The following LINGO2 variants were observed in gnomAD, a reference collection of about 807,000 sequenced individuals.
The protein encoded by LINGO2 is leucine rich repeat and Ig domain containing 2, also known as leucine-rich repeat and immunoglobulin-like domain-containing nogo receptor-interacting protein 2.
A neutral mutation model predicts 30.6 loss-of-function variants in LINGO2; 14 were observed. The observed-to-expected ratio is 0.46, with a 90% confidence interval of 0.30 to 0.72. The LOEUF (loss-of-function observed/expected upper bound fraction) is 0.72, where lower values mean the gene tolerates loss of function less well. Among genes scored for constraint, LINGO2 ranks in the 30% least tolerant of loss-of-function variants. The pLI, the probability that LINGO2 is intolerant of heterozygous loss-of-function variation, is 0.07. For synonymous variants in LINGO2, 317 were observed against 288.5 expected (o/e 1.10, Z -1.00); for missense variants, 729 against 751.7 (o/e 0.97, Z 0.35).
chr9:29,213,593 C>T, the LINGO2 span, among the ~76,000 whole-genome samples: 16 of 152,040 alleles, frequency 1.1e-4, no homozygotes, highest in African/African-American at 2.9e-4. Flanking sequence ...TCGGGCTGCG[C>T]ACACACACAG....
chr9:28,886,729 G>A, the LINGO2 span, among the ~76,000 whole-genome samples: 129,541 of 152,100 alleles, frequency 0.85, 55,342 homozygotes, highest in Non-Finnish European at 0.89. Context: ...GCTAGCTAGT[G>A]TCATCTACAG....
the LINGO2 span, among the ~76,000 whole-genome samples, chr9:29,070,161 G>C: frequency 2.0e-5 from 3 of 151,642 alleles, no homozygotes; most frequent in African/African-American, 7.3e-5. Context: ...TCTTCTATTA[G>C]ACTCCCTATG....
At chr9:28,745,104 G>C in the LINGO2 span, among the ~76,000 whole-genome samples, 2 of 152,016 alleles carry the variant, frequency 1.3e-5, no homozygotes, top group African/African-American at 4.8e-5. Context: ...CTAATAGCTT[G>C]TAAGTTCCTT....
At chr9:28,540,780 G>T (rs1294664600) in intron 1 of LINGO2, among the ~76,000 whole-genome samples, 1 of 152,162 alleles carries the variant, frequency 6.6e-6, no homozygotes, top group Admixed American at 6.6e-5. Context: ...TAGAAGATTA[G>T]ATGTGTGTTG....
chr9:28,455,918 C>A (rs1824828245), intron 2 of LINGO2, among the ~76,000 whole-genome samples: 1 of 152,082 alleles, frequency 6.6e-6, no homozygotes, highest in Non-Finnish European at 1.5e-5. Context: ...CCCTCTGTAT[C>A]AGGAAGGCAC....
intron 1 of LINGO2, among the ~76,000 whole-genome samples, chr9:28,631,663 G>C (rs1275314999): frequency 4.6e-5 from 7 of 151,998 alleles, no homozygotes; most frequent in Admixed American, 4.6e-4. Context: ...TATTGCTTGA[G>C]GAGTCCTTAG....
At chr9:28,157,499 C>T (rs1828165704) in intron 4 of LINGO2, among the ~76,000 whole-genome samples, 1 of 152,208 alleles carries the variant, frequency 6.6e-6, no homozygotes, top group Non-Finnish European at 1.5e-5. Flanking sequence ...TCTGACGTGC[C>T]CTGGAGACAT....
intron 5 of LINGO2, among the ~76,000 whole-genome samples, chr9:27,992,076 C>CAGGTGTTAATGACAA (rs1284654648): frequency 2.0e-5 from 3 of 152,032 alleles, no homozygotes; most frequent in Non-Finnish European, 2.9e-5. Context: ...CTGCTTCTGT[C>CAGGTGTTAATGACAA]AGGTGTTAAT....
At chr9:28,091,232 A>G (rs1441282779) in intron 4 of LINGO2, among the ~76,000 whole-genome samples, 3 of 152,154 alleles carry the variant, frequency 2.0e-5, no homozygotes, top group African/African-American at 4.8e-5. Flanking sequence ...TTCATTAGGA[A>G]CCAAAAAAGA....
intron 1 of LINGO2, among the ~76,000 whole-genome samples, chr9:28,503,419 G>A (rs987216003): frequency 3.7e-4 from 57 of 152,078 alleles, no homozygotes; most frequent in Middle Eastern, 3.4e-3. Context: ...TGGAACACAT[G>A]TTTAGCTATC....
intron 2 of LINGO2, among the ~76,000 whole-genome samples, chr9:28,464,705 G>A (rs1229867318): frequency 2.6e-5 from 4 of 152,072 alleles, no homozygotes; most frequent in Non-Finnish European, 4.4e-5. Flanking sequence ...GGCCATCATC[G>A]GCTTTTTATT....
At chr9:29,105,627 C>T in the LINGO2 span, among the ~76,000 whole-genome samples, 1 of 152,150 alleles carries the variant, frequency 6.6e-6, no homozygotes, top group African/African-American at 2.4e-5. Flanking sequence ...ATTAAGTTAC[C>T]AATCAACTGA....
intron 4 of LINGO2, among the ~76,000 whole-genome samples, chr9:28,100,226 C>G (rs1826369780): frequency 6.6e-6 from 1 of 152,062 alleles, no homozygotes; most frequent in African/African-American, 2.4e-5. Context: ...TCAATAGAGT[C>G]CCCATGAAAG....
At chr9:28,410,145 A>G (rs116782534) in intron 2 of LINGO2, among the ~76,000 whole-genome samples, 132 of 151,426 alleles carry the variant, frequency 8.7e-4, no homozygotes, top group African/African-American at 3.0e-3. Context: ...AGAAAGGAAG[A>G]AAGGAAAAAG....
intron 5 of LINGO2, among the ~76,000 whole-genome samples, chr9:27,962,545 C>A (rs1194863398): frequency 3.3e-5 from 5 of 152,064 alleles, no homozygotes; most frequent in Non-Finnish European, 5.9e-5. Context: ...TGGAACTGCT[C>A]CCCCCCTTCT....
At chr9:29,011,990 C>T in the LINGO2 span, among the ~76,000 whole-genome samples, 1 of 152,160 alleles carries the variant, frequency 6.6e-6, no homozygotes, top group Non-Finnish European at 1.5e-5. Context: ...TATTAATTCA[C>T]ATTTATCAGT....
At position 28,654,199 on chromosome 9, in the gene LINGO2, G is replaced by A. The variant is rs76089910; in HGVS notation, c.-365+16001C>T. Among the ~76,000 whole-genome samples the A allele has an allele frequency of 9.3e-3, 1,411 of 152,172 alleles. 21 individuals carry two copies. The highest frequency in any genetic ancestry group is 0.033 in the African/African-American group (1,359 of 41,538). On this transcript the variant is annotated intron_variant, in intron 1 of 5. Coordinates refer to ENST00000379992, the Ensembl canonical transcript of LINGO2. ...CAGATAAATTATGTCTAACATATTT[G>A]CTTAGGACAAGAGAAAAGCTTTGAA...
intron 1 of LINGO2, among the ~76,000 whole-genome samples, chr9:28,570,939 A>C (rs939239595): frequency 6.6e-6 from 1 of 151,980 alleles, no homozygotes; most frequent in Admixed American, 6.6e-5. Flanking sequence ...TGTAACAACA[A>C]ATCAAGAAAA....
chr9:28,744,085 T>G, the LINGO2 span, among the ~76,000 whole-genome samples: 1,562 of 148,482 alleles, frequency 0.011, 44 homozygotes, highest in African/African-American at 0.037. Context: ...AATCTACTCT[T>G]GAACTCCTAT....
Sources: allele counts gnomAD v4.1 joint callset (sites outside exome capture counted in the v4.1 genomes callset), GRCh38; gene constraint gnomAD v4.1.1; transcripts MANE v1.5; gene names NCBI Gene and HGNC (gene_info 2026-07-23, HGNC 2026-07-21).